CNTLN: variants seen among roughly 807,000 people sequenced by gnomAD.
CNTLN encodes centlein.
CNTLN carries 212 observed loss-of-function variants against 180.0 expected under a neutral mutation model. The observed-to-expected ratio is 1.18, with a 90% CI of 1.05 to 1.32. The LOEUF (loss-of-function observed/expected upper bound fraction) is 1.32. CNTLN is among the 40% of genes most tolerant of loss of function. The pLI is 0.00. For synonymous variants in CNTLN, 722 were observed against 563.1 expected (o/e 1.28, Z -3.99); for missense variants, 2,095 against 1,610.9 (o/e 1.30, Z -5.14).
At chr9:17,402,533 T>C (rs1432803168) in intron 15 of CNTLN, among the ~76,000 whole-genome samples, 2 of 151,832 alleles carry the variant, frequency 1.3e-5, no homozygotes, top group Middle Eastern at 3.2e-3. Flanking sequence ...TATCAACTTG[T>C]TATGTGTTTT....
chr9:17,271,603 CCTAT>C (rs878987325), intron 5 of CNTLN, among the ~76,000 whole-genome samples: 1 of 152,080 alleles, frequency 6.6e-6, no homozygotes, highest in Non-Finnish European at 1.5e-5. Context: ...CTGTTTTCAG[CCTAT>C]CTTTCTTGTA....
At chr9:17,274,759 G>A (rs539956467) in intron 6 of CNTLN, among the ~76,000 whole-genome samples, 22 of 152,104 alleles carry the variant, frequency 1.4e-4, no homozygotes, top group Middle Eastern at 3.4e-3. Flanking sequence ...ACTTGTCTGG[G>A]AATTTTCCTT....
chr9:17,449,275 C>G lies in CNTLN; in HGVS notation c.3115-8249C>G, dbSNP rs375427561. Among the ~76,000 whole-genome samples the G allele has an allele frequency of 1.3e-4, 19 of 151,994 alleles. 1 individual carries two copies. In the South Asian group the frequency reaches 4.0e-3, roughly 32 times the overall value. ...CCAGTGCTATCCCTCCCTCCTCCCC[C>G]CACCCCACAACAGTCCCCAGAGTGT... On this transcript the variant is annotated intron_variant, in intron 18 of 25. Coordinates refer to ENST00000380647, the MANE Select transcript of CNTLN (RefSeq NM_017738.4).
intron 18 of CNTLN, among the ~76,000 whole-genome samples, chr9:17,428,786 T>C (rs185113051): frequency 6.6e-6 from 1 of 152,164 alleles, no homozygotes; most frequent in Admixed American, 6.5e-5. Context: ...TTCAAATAAA[T>C]GCATTCTCAA....
chr9:17,453,289 G>A (rs1830901065), intron 18 of CNTLN, among the ~76,000 whole-genome samples: 1 of 151,952 alleles, frequency 6.6e-6, no homozygotes, highest in Non-Finnish European at 1.5e-5. Context: ...CTCCAGCCTG[G>A]GCAATAGAGC....
intron 12 of CNTLN, among the ~76,000 whole-genome samples, chr9:17,348,804 AC>A (rs1190567455): frequency 6.6e-6 from 1 of 152,110 alleles, no homozygotes; most frequent in Non-Finnish European, 1.5e-5. Context: ...TGCTGGGATT[AC>A]AGGTGTGAGC....
At chr9:17,422,453 C>T (rs1305427231) in intron 18 of CNTLN, among the ~76,000 whole-genome samples, 1 of 152,152 alleles carries the variant, frequency 6.6e-6, no homozygotes, top group Non-Finnish European at 1.5e-5. Context: ...CATCTTTAAG[C>T]TCACTAGTCT....
At chr9:17,178,865 G>T (rs575270892) in intron 2 of CNTLN, among the ~76,000 whole-genome samples, 1 of 152,174 alleles carries the variant, frequency 6.6e-6, no homozygotes, top group Non-Finnish European at 1.5e-5. Context: ...CTCCTGAAGC[G>T]TGGCCAGAGT....
intron 25 of CNTLN, among the ~76,000 whole-genome samples, chr9:17,494,144 C>T (rs1054329389): frequency 6.6e-6 from 1 of 152,168 alleles, no homozygotes; most frequent in African/African-American, 2.4e-5. Context: ...TGGAAAATAA[C>T]TCAAACTTAG....
intron 2 of CNTLN, among the ~76,000 whole-genome samples, chr9:17,197,472 T>G (rs1344803501): frequency 1.3e-5 from 2 of 152,190 alleles, no homozygotes; most frequent in Admixed American, 6.5e-5. Context: ...TTGTTACATA[T>G]GTATACATGT....
chr9:17,198,762 G>A (rs1022616212), intron 2 of CNTLN, among the ~76,000 whole-genome samples: 5 of 150,294 alleles, frequency 3.3e-5, no homozygotes, highest in African/African-American at 1.2e-4. Context: ...TCCCGCTTAT[G>A]AGTGAGAATG....
At chr9:17,468,960 A>T (rs540735459) in intron 23 of CNTLN, among the ~76,000 whole-genome samples, 40 of 151,742 alleles carry the variant, frequency 2.6e-4, no homozygotes, top group Non-Finnish European at 5.3e-4. Flanking sequence ...ATAATGTTTC[A>T]AAGATTATAT....
At chr9:17,158,858 A>G (rs144570904) in intron 2 of CNTLN, among the ~76,000 whole-genome samples, 21 of 151,286 alleles carry the variant, frequency 1.4e-4, no homozygotes, top group African/African-American at 2.2e-4. Context: ...TCTTTTCTCT[A>G]TTGTATTAAT....
chr9:17,149,834 A>T (rs551611635), intron 2 of CNTLN, among the ~76,000 whole-genome samples: 1 of 151,966 alleles, frequency 6.6e-6, no homozygotes, highest in Non-Finnish European at 1.5e-5. Context: ...TGACTTTTTA[A>T]TGATCACAAT....
rs372200445 is a variant in CNTLN, at chr9:17,466,929, T to G, written c.3855+38T>G. On this transcript the variant is annotated intron_variant, in intron 23 of 25. Transcript: ENST00000380647. Reference sequence around the variant, plus strand: ...TGTCGTTTACTAACTTGTACTTTACTTTAGGCAGATAGGCAGTAGCCTACT... The same window carrying G: ...TGTCGTTTACTAACTTGTACTTTACGTTAGGCAGATAGGCAGTAGCCTACT... 8.7e-6 allele frequency: 13 copies of G among 1,493,218 alleles called. No individual in the cohort carries two copies. In the African/African-American group the frequency reaches 1.4e-4, roughly 16 times the overall value. The allele number at this position is 1,493,218 out of a possible 1,614,324, so 92.5% of individuals were successfully genotyped here.
At chr9:17,301,798 C>T in intron 7 of CNTLN, 1 of 981,388 alleles carries the variant, frequency 1.0e-6, no homozygotes, top group Non-Finnish European at 1.2e-6. Flanking sequence ...TTTTAAAAAA[C>T]AAAGTCTTTT....
chr9:17,388,179 G>A lies in CNTLN; in HGVS notation c.2005G>A (p.Gly669Ser), dbSNP rs1047388377. The change falls in exon 14 of 26, where the codon GGT (glycine) becomes AGT (serine). Residue 669 changes from glycine (G) to serine (S), a missense_variant. Coordinates refer to ENST00000380647, the MANE Select transcript of CNTLN (RefSeq NM_017738.4). ...ERREEQLFRS[G>S]EDDEVKRSTP... Reference sequence around the variant, plus strand: ...TCTACCAGAACAGCTCTTTAGATCTGGTGAAGATGATGAGGTCAAGAGGAG... The same window carrying A: ...TCTACCAGAACAGCTCTTTAGATCTAGTGAAGATGATGAGGTCAAGAGGAG... 3.1e-6 allele frequency: 5 copies of A among 1,610,336 alleles called. No individual in the cohort carries two copies. The South Asian group carries it at 5.5e-5, about 18-fold the overall frequency.
intron 2 of CNTLN, among the ~76,000 whole-genome samples, chr9:17,218,429 A>G (rs963593539): frequency 5.3e-4 from 80 of 152,124 alleles, no homozygotes; most frequent in African/African-American, 1.9e-3. Flanking sequence ...TATTATTGTT[A>G]TATTGTTTAT....
In CNTLN at chr9:17,409,441, A is replaced by T. The variant is rs543156669; in HGVS notation, c.2764A>T (p.Thr922Ser). Reference sequence around the variant, plus strand: ...AACACAAGGAAAAGAAATAGTACAGACATATTTAAATATAGATGGCAAGAC... The same window carrying T: ...AACACAAGGAAAAGAAATAGTACAGTCATATTTAAATATAGATGGCAAGAC... ...SQTQGKEIVQ[T>S]YLNIDGKTPK... The change falls in exon 16 of 26, where the codon ACA becomes TCA. Residue 922 changes from threonine to serine, a missense_variant. Physicochemically the swap from Thr to Ser is moderately conservative, Grantham distance 58 (BLOSUM62 1). Coordinates refer to ENST00000380647, the MANE Select transcript of CNTLN (RefSeq NM_017738.4). 2 of 1,606,714 alleles carry T rather than the reference A, an allele frequency of 1.2e-6. No individual in the cohort carries two copies. The highest frequency in any genetic ancestry group is 1.7e-5 in the Admixed American group (1 of 57,730).
Sources: allele counts gnomAD v4.1 joint callset (sites outside exome capture counted in the v4.1 genomes callset), GRCh38; gene constraint gnomAD v4.1.1; transcripts MANE v1.5; gene names NCBI Gene and HGNC (gene_info 2026-07-23, HGNC 2026-07-21).